The following HS1BP3 variants were observed in gnomAD, a reference collection of about 807,000 sequenced individuals.
The protein encoded by HS1BP3 is HCLS1-binding protein 3.
HS1BP3 carries 32 observed loss-of-function variants against 33.5 expected under a neutral mutation model. That is an observed-to-expected ratio of 0.95 (90% CI 0.72 to 1.28). The LOEUF is 1.28. Among genes scored for constraint, HS1BP3 ranks in the 50% most tolerant of loss-of-function variants. The probability of loss-of-function intolerance (pLI) is 0.00; values close to 1 mark genes in which losing one functional copy is unlikely to be tolerated. For missense variants in HS1BP3, 486 were observed against 502.3 expected, an observed-to-expected ratio of 0.97 and a Z score of 0.31; for synonymous variants, 187 against 209.2, an observed-to-expected ratio of 0.89 and a Z score of 0.92.
At position 20,624,959 on chromosome 2, in the gene HS1BP3, C is replaced by T. The variant is rs10176607; in HGVS notation, c.624-67G>A. ...AAGTGTCCAGGTGGTCCGGTCAGACCGACACAGGCGCTGGGCCCTGCAGTG... is the reference window on the plus strand; with the variant it reads ...AAGTGTCCAGGTGGTCCGGTCAGACTGACACAGGCGCTGGGCCCTGCAGTG... On this transcript the variant is annotated intron_variant, in intron 4 of 6. Coordinates refer to ENST00000304031, the MANE Select transcript of HS1BP3 (RefSeq NM_022460.4). The T allele has an allele frequency of 2.4e-4, 374 of 1,566,840 alleles. 1 individual carries two copies. In the African/African-American group the frequency reaches 3.6e-3, roughly 15 times the overall value.
At chr2:20,575,323 G>A (rs1693373038) in intron 5 of HS1BP3, among the ~76,000 whole-genome samples, 1 of 152,196 alleles carries the variant, frequency 6.6e-6, no homozygotes, top group African/African-American at 2.4e-5. Flanking sequence ...GGACAGGAAG[G>A]CCAGAGACAC....
At chr2:20,595,721 C>A (rs1183008778) in intron 3 of HS1BP3, among the ~76,000 whole-genome samples, 1 of 152,216 alleles carries the variant, frequency 6.6e-6, no homozygotes, top group Non-Finnish European at 1.5e-5. Flanking sequence ...AGACAACTAG[C>A]CTCAAAGCCA....
intron 6 of HS1BP3, 29 bp downstream of exon 6, chr2:20,623,867 G>T: frequency 6.2e-7 from 1 of 1,602,346 alleles, no homozygotes; most frequent in Admixed American, 1.7e-5. Flanking sequence ...TCTCAGAGCT[G>T]GCCAAGCGCC....
chr2:20,558,834 CAG>C (rs978738616), downstream of HS1BP3, among the ~76,000 whole-genome samples: 1 of 152,124 alleles, frequency 6.6e-6, no homozygotes, highest in African/African-American at 2.4e-5. Flanking sequence ...CCCATGACCA[CAG>C]AGGGGGTAGG....
chr2:20,634,002 C>A (rs1292245358), intron 4 of HS1BP3, among the ~76,000 whole-genome samples: 1 of 152,240 alleles, frequency 6.6e-6, no homozygotes, highest in Non-Finnish European at 1.5e-5. Context: ...TGCACAGGTG[C>A]AGGGTGAGGT....
downstream of HS1BP3, among the ~76,000 whole-genome samples, chr2:20,588,348 G>A (rs1693731143): frequency 6.6e-6 from 1 of 152,152 alleles, no homozygotes; most frequent in African/African-American, 2.4e-5. Context: ...TTGTTTGCTT[G>A]CTCTGTTGCT....
chr2:20,641,079 A>G lies in HS1BP3; in HGVS notation c.300T>C (p.Val100=). 1 of 1,614,028 alleles carries G rather than the reference A, an allele frequency of 6.2e-7. No individual in the cohort carries two copies. Among genetic ancestry groups the G allele is most frequent in the Non-Finnish European group, 8.5e-7 (1 of 1,180,014 alleles). ...LPPLPRKVLF[V]GESDIRERRA... ...TCCTCTCCCGGATGTCAGACTCCCC[A>G]ACAAACAGGACCTTCCTGGGTAGTG... Residue 100 remains valine, a synonymous_variant, in exon 3 of 7, where the codon GTT becomes GTC. Coordinates refer to ENST00000304031, the MANE Select transcript of HS1BP3 (RefSeq NM_022460.4).
At chr2:20,598,539 C>CT (rs67769731) in intron 2 of HS1BP3, among the ~76,000 whole-genome samples, 1 of 63,850 alleles carries the variant, frequency 1.6e-5, no homozygotes, top group African/African-American at 6.7e-5. Flanking sequence ...ACCGGTACTT[C>CT]TTTTTTTTTT....
chr2:20,635,963 G>C (rs569943390), intron 4 of HS1BP3: 2 of 152,220 alleles, frequency 1.3e-5, no homozygotes, highest in Non-Finnish European at 2.9e-5. Context: ...CCCTGCCGTG[G>C]AGCAGCCCTT....
chr2:20,603,314 T>C (rs1384737277), intron 2 of HS1BP3, among the ~76,000 whole-genome samples: 1 of 151,956 alleles, frequency 6.6e-6, no homozygotes, highest in African/African-American at 2.4e-5. Flanking sequence ...AGCCAAAAGG[T>C]GAAAAAAAGC....
At chr2:20,612,060 T>C (rs1694329153) in intron 2 of HS1BP3, among the ~76,000 whole-genome samples, 1 of 152,230 alleles carries the variant, frequency 6.6e-6, no homozygotes, top group African/African-American at 2.4e-5. Flanking sequence ...ATACTATGCA[T>C]CAGGTATTGT....
chr2:20,629,626 T>G (rs1694906995), intron 4 of HS1BP3, among the ~76,000 whole-genome samples: 1 of 152,140 alleles, frequency 6.6e-6, no homozygotes, highest in Admixed American at 6.5e-5. Context: ...CACCAAAACA[T>G]GAGTTGGGCC....
At chr2:20,599,280 C>T (rs1694016278) in intron 2 of HS1BP3, among the ~76,000 whole-genome samples, 1 of 152,252 alleles carries the variant, frequency 6.6e-6, no homozygotes, top group Non-Finnish European at 1.5e-5. Flanking sequence ...CCCACTCTTC[C>T]TCCCTTCCCC....
chr2:20,578,788 A>G (rs1693461187), intron 5 of HS1BP3, among the ~76,000 whole-genome samples: 1 of 152,150 alleles, frequency 6.6e-6, no homozygotes, highest in Admixed American at 6.5e-5. Context: ...TCAGAATGGG[A>G]AAGTAATTTG....
intron 2 of HS1BP3, among the ~76,000 whole-genome samples, chr2:20,599,652 T>TC (rs1491094844): frequency 7.3e-6 from 1 of 137,096 alleles, no homozygotes; most frequent in Non-Finnish European, 1.5e-5. Context: ...ACACACACTC[T>TC]GTTTTTTTTT....
intron 6 of HS1BP3, among the ~76,000 whole-genome samples, chr2:20,620,421 C>T (rs965608062): frequency 6.6e-5 from 10 of 152,182 alleles, no homozygotes; most frequent in Admixed American, 1.3e-4. Flanking sequence ...CTTGTGCTAA[C>T]GGGCATCTCT....
At chr2:20,626,115 G>A (rs752842426) in intron 4 of HS1BP3, among the ~76,000 whole-genome samples, 2 of 152,150 alleles carry the variant, frequency 1.3e-5, no homozygotes, top group African/African-American at 2.4e-5. Context: ...AAACTGCACC[G>A]AGAGGCTGGC....
intron 5 of HS1BP3, among the ~76,000 whole-genome samples, chr2:20,567,076 C>T (rs1019656663): frequency 1.3e-5 from 2 of 152,212 alleles, no homozygotes; most frequent in African/African-American, 2.4e-5. Flanking sequence ...AGCCACCCTG[C>T]TCACCATCAC....
chr2:20,569,959 G>C (rs1237860603), intron 5 of HS1BP3, among the ~76,000 whole-genome samples: 1 of 152,220 alleles, frequency 6.6e-6, no homozygotes, highest in Non-Finnish European at 1.5e-5. Context: ...ATTCATAGGA[G>C]TCCCTCTGGG....
Sources: allele counts gnomAD v4.1 joint callset (sites outside exome capture counted in the v4.1 genomes callset), GRCh38; gene constraint gnomAD v4.1.1; transcripts MANE v1.5; gene names NCBI Gene and HGNC (gene_info 2026-07-23, HGNC 2026-07-21).